Variants in RNF213 observed in about 807,000 individuals in gnomAD.
The protein encoded by RNF213 is E3 ubiquitin-protein ligase RNF213.
RNF213 carries 341 observed loss-of-function variants against 514.4 expected under a neutral mutation model. The ratio of observed to expected loss-of-function variants is 0.66; its 90% CI spans 0.61 to 0.73. The LOEUF (loss-of-function observed/expected upper bound fraction) is 0.73, where lower values mean the gene tolerates loss of function less well. RNF213 is among the 30% of genes least tolerant of loss of function. The pLI, the probability that RNF213 is intolerant of heterozygous loss-of-function variation, is 0.00. For missense variants in RNF213, 5,767 were observed against 6,615.6 expected (o/e 0.87, Z 4.45); for synonymous variants, 2,655 against 2,658.2 (o/e 1.00, Z 0.04).
At chr17:80,357,889 G>A (rs896933125) in intron 36 of RNF213, among the ~76,000 whole-genome samples, 3 of 152,242 alleles carry the variant, frequency 2.0e-5, no homozygotes, top group Non-Finnish European at 4.4e-5. Context: ...TTGCACGGCT[G>A]AGGTGGGAGG....
rs1043942166 is a variant in RNF213 at position 80,288,507 on chromosome 17, C to G, written c.811-126C>G. The G allele has an allele frequency of 1.2e-6, 2 of 1,600,918 alleles. No individual in the cohort carries two copies. Among genetic ancestry groups the G allele is most frequent in the Non-Finnish European group, 1.7e-6 (2 of 1,171,344 alleles). On this transcript the variant is annotated intron_variant, in intron 4 of 67. Coordinates refer to ENST00000582970, the MANE Select transcript of RNF213 (RefSeq NM_001256071.3). This position sits in a 1 kb window ranked among gnomAD's most constrained non-coding sequence, Gnocchi z 4.9. ...CCCTGGGTGGGAGTCGGAGGGCTGC[C>G]CCTCCACTGGGGATGCCAGCCCACC... is the stretch of plus-strand genomic sequence containing the variant.
chr17:80,398,187 C>T lies in RNF213; in HGVS notation c.*4689C>T, dbSNP rs181839742. 6.6e-6 allele frequency: 1 copy of T among 151,888 alleles called. No individual in the cohort carries two copies. The highest frequency in any genetic ancestry group is 1.5e-5 in the Non-Finnish European group (1 of 68,036). 9.4% of individuals were successfully genotyped at this position (151,888 alleles called of 1,614,324 possible). A position where few individuals can be genotyped will look rare whatever the true frequency, so the allele number is the denominator to read the frequency against. On this transcript the variant is annotated 3_prime_UTR_variant, in exon 68 of 68. Coordinates refer to ENST00000582970, the MANE Select transcript of RNF213 (RefSeq NM_001256071.3). Reference sequence around the variant, plus strand: ...TTGATACTTTGGTTTTGGTTTTGACCTGACTTGGATATCCTGATACTCTGA... The same window carrying T: ...TTGATACTTTGGTTTTGGTTTTGACTTGACTTGGATATCCTGATACTCTGA...
In RNF213 at chr17:80,349,811, A is replaced by T. The variant is rs759448743; in HGVS notation, c.9993A>T (p.Glu3331Asp). ...FSRLLTSHDC[E>D]ILESEVTGRA... is the part of the protein sequence containing the mutation. ...GGCTGCTAACAAGTCACGACTGTGA[A>T]ATTTTAGAATCAGAGGTCACAGGCA... Residue 3331 changes from glutamate (E) to aspartate (D), a missense_variant, in exon 30 of 68, where the codon GAA (glutamate) becomes GAT (aspartate). Glu to Asp is a conservative substitution (Grantham distance 45, BLOSUM62 2). Transcript: ENST00000582970. 6.2e-7 allele frequency: 1 copy of T among 1,614,158 alleles called. No homozygotes were observed. Among genetic ancestry groups the T allele is most frequent in the Non-Finnish European group, 8.5e-7 (1 of 1,180,006 alleles).
At chr17:80,265,309 A>G (rs1283616361) in intron 2 of RNF213, among the ~76,000 whole-genome samples, 5 of 152,162 alleles carry the variant, frequency 3.3e-5, no homozygotes, top group Non-Finnish European at 1.5e-5. Flanking sequence ...GGCCTCACAA[A>G]GTGCTGGGAT....
rs1422973902 is a variant in RNF213, at chr17:80,347,355, A to G, written c.9020A>G (p.Lys3007Arg). Residue 3007 changes from lysine (K) to arginine (R), a missense_variant, in exon 29 of 68, where the codon AAG (lysine) becomes AGG (arginine). Physicochemically the swap from Lys to Arg is conservative, Grantham distance 26. Coordinates refer to ENST00000582970, the MANE Select transcript of RNF213 (RefSeq NM_001256071.3). This position sits in a 1 kb window ranked among gnomAD's most constrained non-coding sequence, Gnocchi z 7.2. ...TTTCTGGCCAATTTGCCCGAGGCCA[A>G]GTGCTCAGAGGAAGTCAGCCCCATG... ...DIFLANLPEA[K>R]CSEEVSPMQL... is the part of the protein sequence containing the mutation. 10 of 1,613,844 alleles carry G rather than the reference A, an allele frequency of 6.2e-6. No individual in the cohort carries two copies. The highest frequency in any genetic ancestry group is 1.3e-5 in the African/African-American group (1 of 74,934).
chr17:80,331,410 A>G, intron 20 of RNF213, among the ~76,000 whole-genome samples: 1 of 113,744 alleles, frequency 8.8e-6, no homozygotes. Flanking sequence ...TTTTTTTGAT[A>G]TGGAGTCTCA....
At chr17:80,378,829 T>C (rs775658092) in intron 54 of RNF213, among the ~76,000 whole-genome samples, 1 of 152,182 alleles carries the variant, frequency 6.6e-6, no homozygotes. Context: ...CAATATCTGA[T>C]TTTGAAAAAT....
At chr17:80,296,850 T>G (rs1187225917) in intron 10 of RNF213, among the ~76,000 whole-genome samples, 1 of 151,880 alleles carries the variant, frequency 6.6e-6, no homozygotes, top group Non-Finnish European at 1.5e-5. Flanking sequence ...TCCAGCTAAT[T>G]TTTGTATTTA....
rs766371968 is a variant in RNF213 at position 80,361,747 on chromosome 17, G to A, written c.11214G>A (p.Lys3738=). The change falls in exon 39 of 68, where the codon AAG becomes AAA. Residue 3738 remains lysine (K), a synonymous_variant. Coordinates refer to ENST00000582970, the MANE Select transcript of RNF213 (RefSeq NM_001256071.3). ...TCCTCTCTGCAGGACTGCCCAAGAAGTTCGTGGACATCTTTCAGCAGACTC... is the reference window on the plus strand; with the variant it reads ...TCCTCTCTGCAGGACTGCCCAAGAAATTCGTGGACATCTTTCAGCAGACTC... ...YITDAEGLPK[K]FVDIFQQTPL... 6.2e-7 allele frequency: 1 copy of A among 1,613,668 alleles called. No homozygotes were observed. Among genetic ancestry groups the A allele is most frequent in the Non-Finnish European group, 8.5e-7 (1 of 1,179,810 alleles).
At chr17:80,309,665 G>A (rs1166752423) in intron 14 of RNF213, among the ~76,000 whole-genome samples, 1 of 152,128 alleles carries the variant, frequency 6.6e-6, no homozygotes, top group Non-Finnish European at 1.5e-5. Flanking sequence ...TGCATGTCGT[G>A]TCCCAGGTCT....
At position 80,289,698 on chromosome 17, in the gene RNF213, G is replaced by A. The variant is rs373749246; in HGVS notation, c.973G>A (p.Glu325Lys). ...GACCAAGGACGAGATGGCTGCTGCT[G>A]AAGAAAAAGTCGGTAAGAATGAACA... The part of the protein sequence containing the change: ...TKTKDEMAAA[E>K]EKVGKNEQGE... The change falls in exon 6 of 68, where the codon GAA (glutamate) becomes AAA (lysine). Residue 325 changes from glutamate (E) to lysine (K), a missense_variant. Glu to Lys is a moderately conservative substitution (Grantham distance 56). This residue lies in a region of RNF213 where 509 missense variants were observed against 496.7 expected (regional missense o/e 1.02). Transcript: ENST00000582970. The A allele has an allele frequency of 6.8e-6, 11 of 1,613,980 alleles. No homozygotes were observed. The African/African-American group carries it at 1.2e-4, about 18-fold the overall frequency.
intron 59 of RNF213, chr17:80,384,831 G>A (rs1344606440): frequency 2.4e-5 from 15 of 618,528 alleles, no homozygotes; most frequent in South Asian, 1.8e-4. Context: ...CTCCCTCTTC[G>A]CCGCCCTCCA....
At chr17:80,375,937 G>C (rs1298823509) in intron 51 of RNF213, 67 bp downstream of exon 51, 2 of 1,175,482 alleles carry the variant, frequency 1.7e-6, no homozygotes, top group East Asian at 4.7e-5. Context: ...TGAATAGAAT[G>C]AAAGTTATCA....
chr17:80,328,187 A>G, intron 19 of RNF213, 141 bp from the exon 20 acceptor site: 3 of 1,156,492 alleles, frequency 2.6e-6, no homozygotes, highest in Non-Finnish European at 3.6e-6. Flanking sequence ...AATAATGGCC[A>G]TCTCGAAAAA....
At position 80,349,912 on chromosome 17, in the gene RNF213, G is replaced by A; in HGVS notation, c.10088+6G>A. 2 of 1,612,950 alleles carry A rather than the reference G, an allele frequency of 1.2e-6. No homozygotes were observed. Among genetic ancestry groups the A allele is most frequent in the Non-Finnish European group, 1.7e-6 (2 of 1,179,844 alleles). ...TCATTCCTCAAAGAAGTCCGGTGAG[G>A]TTCCCTGCCTTCCCTGCTGCCCTCT... On this transcript the variant is annotated splice_donor_region_variant and intron_variant, in intron 30 of 67. Coordinates refer to ENST00000582970, the MANE Select transcript of RNF213 (RefSeq NM_001256071.3).
chr17:80,365,391 G>A (rs2079223322), intron 42 of RNF213: 1 of 152,122 alleles, frequency 6.6e-6, no homozygotes, highest in Non-Finnish European at 1.5e-5. Flanking sequence ...CAAGGCTAAG[G>A]TACCAGCTCC....
chr17:80,333,982 C>A (rs2077910973), intron 21 of RNF213, 123 bp from the exon 22 acceptor site: 2 of 1,105,182 alleles, frequency 1.8e-6, no homozygotes, highest in Non-Finnish European at 2.6e-6. Flanking sequence ...CCTGTTGTCA[C>A]AGCAGTGGCA....
chr17:80,305,881 A>G (rs2045340188), intron 11 of RNF213, among the ~76,000 whole-genome samples: 1 of 152,084 alleles, frequency 6.6e-6, no homozygotes, highest in African/African-American at 2.4e-5. Context: ...CAGCCTCCCA[A>G]AGTGCTGGGA....
intron 15 of RNF213, among the ~76,000 whole-genome samples, chr17:80,313,401 C>T (rs1245674369): frequency 6.6e-6 from 1 of 151,358 alleles, no homozygotes; most frequent in African/African-American, 2.4e-5. Context: ...TGGCCGGGCA[C>T]AGTCCCTGTG....
Sources: allele counts gnomAD v4.1 joint callset (sites outside exome capture counted in the v4.1 genomes callset), GRCh38; gene constraint gnomAD v4.1.1; regional missense constraint gnomAD v4.1.1; non-coding constraint Gnocchi (gnomAD v3.1); transcripts MANE v1.5; gene names NCBI Gene and HGNC (gene_info 2026-07-23, HGNC 2026-07-21).